Variants in YTHDF3 observed in about 807,000 individuals in gnomAD.
YTHDF3 encodes the protein YTH domain-containing family protein 3.
YTHDF3 carries 9 observed loss-of-function variants against 52.5 expected under a neutral mutation model. That is an observed-to-expected ratio of 0.17 (90% confidence interval 0.10 to 0.30). The LOEUF (loss-of-function observed/expected upper bound fraction) is 0.30. Among genes scored for constraint, YTHDF3 ranks in the 10% least tolerant of loss-of-function variants. The pLI, the probability that YTHDF3 is intolerant of heterozygous loss-of-function variation, is 1.00. For synonymous variants in YTHDF3, 274 were observed against 243.3 expected, an observed-to-expected ratio of 1.13 and a Z score of -1.18; for missense variants, 534 against 715.0, an observed-to-expected ratio of 0.75 and a Z score of 2.89.
chr8:63,173,202 T>TATATATATATATATATATATATATATATA (rs1554533375), intron 2 of YTHDF3, among the ~76,000 whole-genome samples: 12 of 125,906 alleles, frequency 9.5e-5, no homozygotes, highest in East Asian at 5.4e-4. Flanking sequence ...AGGATTATAT[T>TATATATATATATATATATATATATATATA]TATATATATA....
intron 3 of YTHDF3, among the ~76,000 whole-genome samples, chr8:63,180,944 G>A (rs1808091540): frequency 6.6e-6 from 1 of 152,218 alleles, no homozygotes; most frequent in South Asian, 2.1e-4. Flanking sequence ...GCTTCGGCTC[G>A]GCATCAGAGG....
In YTHDF3 at chr8:63,195,793, C is replaced by CGTGT. The variant is rs140287696; in HGVS notation, c.1734+8058_1734+8061dup. Among the ~76,000 whole-genome samples the CGTGT allele has an allele frequency of 2.1e-5, 3 of 146,254 alleles. No individual in the cohort carries two copies. In the East Asian group the frequency reaches 6.1e-4, roughly 30 times the overall value. On this transcript the variant is annotated intron_variant, in intron 4 of 4. Coordinates refer to ENST00000539294, the MANE Select transcript of YTHDF3 (RefSeq NM_152758.6). ...CTGGGCAACATAGACCCTGTATTTA[C>CGTGT]GTGTGTGTGTGTGCGTGCATGTGTG...
intron 4 of YTHDF3, among the ~76,000 whole-genome samples, chr8:63,204,568 G>A (rs1200422246): frequency 1.3e-5 from 2 of 151,974 alleles, no homozygotes; most frequent in African/African-American, 4.8e-5. Flanking sequence ...CTCCATGTTG[G>A]TCAGGATGGT....
intron 4 of YTHDF3, among the ~76,000 whole-genome samples, chr8:63,189,235 C>G (rs145506153): frequency 2.6e-5 from 4 of 152,074 alleles, no homozygotes; most frequent in African/African-American, 9.7e-5. Flanking sequence ...ATTGAGTGGC[C>G]CATATGGGGA....
At chr8:63,172,926 C>T (rs1424435580) in intron 2 of YTHDF3, 6 of 779,570 alleles carry the variant, frequency 7.7e-6, no homozygotes, top group African/African-American at 3.6e-5. Flanking sequence ...TATTCAAAAA[C>T]GAAAGTCTTT....
chr8:63,183,160 C>T (rs1217476448), intron 3 of YTHDF3, among the ~76,000 whole-genome samples: 1 of 151,920 alleles, frequency 6.6e-6, no homozygotes, highest in Non-Finnish European at 1.5e-5. Context: ...GGGGTTTCAC[C>T]ATTTTGGCCA....
At chr8:63,199,730 G>A (rs547808548) in intron 4 of YTHDF3, among the ~76,000 whole-genome samples, 32 of 152,226 alleles carry the variant, frequency 2.1e-4, no homozygotes, top group African/African-American at 7.5e-4. Flanking sequence ...AGGGTCATTT[G>A]AGGTGCTTAA....
At chr8:63,180,694 G>A (rs1808067021) in intron 3 of YTHDF3, among the ~76,000 whole-genome samples, 1 of 152,242 alleles carries the variant, frequency 6.6e-6, no homozygotes, top group Admixed American at 6.5e-5. Context: ...ATTGAGCACT[G>A]AGTGAACCAG....
At chr8:63,207,528 A>G (rs1325325737) in intron 4 of YTHDF3, among the ~76,000 whole-genome samples, 1 of 151,416 alleles carries the variant, frequency 6.6e-6, no homozygotes, top group African/African-American at 2.4e-5. Flanking sequence ...TATTTTCTTT[A>G]TTCTCCCCTT....
intron 4 of YTHDF3, among the ~76,000 whole-genome samples, chr8:63,204,542 A>G (rs1466693947): frequency 6.6e-6 from 1 of 152,028 alleles, no homozygotes; most frequent in Non-Finnish European, 1.5e-5. Context: ...TGTATTATTT[A>G]GTAGAGACGG....
At chr8:63,203,894 T>G (rs1195479297) in intron 4 of YTHDF3, among the ~76,000 whole-genome samples, 1 of 152,248 alleles carries the variant, frequency 6.6e-6, no homozygotes, top group African/African-American at 2.4e-5. Context: ...AGAAGTGATG[T>G]ATCCTCTTCA....
intron 3 of YTHDF3, among the ~76,000 whole-genome samples, chr8:63,178,821 ATGTT>A (rs375996709): frequency 3.9e-5 from 6 of 152,312 alleles, no homozygotes; most frequent in Non-Finnish European, 7.4e-5. Flanking sequence ...ATTAAATAAA[ATGTT>A]TGGACCTTTT....
At chr8:63,177,039 A>G (rs541248078) in intron 3 of YTHDF3, among the ~76,000 whole-genome samples, 1 of 152,314 alleles carries the variant, frequency 6.6e-6, no homozygotes, top group South Asian at 2.1e-4. Flanking sequence ...TGTAAATTTG[A>G]AGAGTAAATT....
intron 4 of YTHDF3, among the ~76,000 whole-genome samples, chr8:63,193,115 T>C (rs1585770335): frequency 2.6e-5 from 4 of 152,256 alleles, no homozygotes; most frequent in Admixed American, 2.6e-4. Context: ...GGCTCACATG[T>C]GTAATCCCAA....
rs78848588 is a variant in YTHDF3, at chr8:63,204,068, C to G, written c.1735-5615C>G. 1.8e-3 allele frequency among the ~76,000 whole-genome samples: 275 copies of G among 152,292 alleles called. 4 individuals carry two copies. In the East Asian group the frequency reaches 0.042, roughly 23 times the overall value. Reference sequence around the variant, plus strand: ...CACACTTGAGGAAATCAAGCCCCACCTACCGCAAAGAGGAATATCAAAGAC... The same window carrying G: ...CACACTTGAGGAAATCAAGCCCCACGTACCGCAAAGAGGAATATCAAAGAC... On this transcript the variant is annotated intron_variant, in intron 4 of 4. Coordinates refer to ENST00000539294, the MANE Select transcript of YTHDF3 (RefSeq NM_152758.6).
chr8:63,175,608 G>A, intron 3 of YTHDF3, 192 bp downstream of exon 3: 1 of 481,912 alleles, frequency 2.1e-6, no homozygotes, highest in Non-Finnish European at 3.8e-6. Flanking sequence ...GAAAGTATAG[G>A]CACCAGAAAC....
chr8:63,197,407 TAA>T (rs893329464), intron 4 of YTHDF3, among the ~76,000 whole-genome samples: 16 of 152,322 alleles, frequency 1.1e-4, no homozygotes, highest in African/African-American at 3.8e-4. Context: ...CAGTAGGATA[TAA>T]AAGATTTAAT....
At position 63,201,477 on chromosome 8, in the gene YTHDF3, C is replaced by CAT. The variant is rs201403393; in HGVS notation, c.1735-8205_1735-8204dup. Among the ~76,000 whole-genome samples the CAT allele has an allele frequency of 8.2e-3, 1,254 of 152,292 alleles. 25 individuals carry two copies. The highest frequency in any genetic ancestry group is 0.029 in the African/African-American group (1,208 of 41,564). On this transcript the variant is annotated intron_variant, in intron 4 of 4. Transcript: ENST00000539294. ...ATTTCTTCATTTCGTTAACAGTTAA[C>CAT]ATGCATAAAATTGTACTTACTGTTG...
intron 4 of YTHDF3, among the ~76,000 whole-genome samples, chr8:63,196,967 A>G (rs1376306797): frequency 6.6e-6 from 1 of 152,192 alleles, no homozygotes; most frequent in African/African-American, 2.4e-5. Context: ...TGTGCATTTT[A>G]TGTCACACAG....
Sources: gnomAD v4.1 joint callset for allele counts (sites outside exome capture counted in the v4.1 genomes callset) on GRCh38, gnomAD v4.1.1 for gene constraint, MANE v1.5 for transcripts, NCBI Gene and HGNC (gene_info 2026-07-23, HGNC 2026-07-21) for gene names.